GPC5: variants seen among roughly 807,000 people sequenced by gnomAD.
GPC5 encodes the protein glypican 5, also known as glypican-5.
A neutral mutation model predicts 53.9 loss-of-function variants in GPC5; 47 were observed. That is an observed-to-expected ratio of 0.87 (90% CI 0.69 to 1.11). The LOEUF is 1.11. Ranked by LOEUF, GPC5 falls within the 50% of genes most tolerant of loss-of-function variation. The pLI is 0.00. For synonymous variants in GPC5, 286 were observed against 263.3 expected, an observed-to-expected ratio of 1.09 and a Z score of -0.84; for missense variants, 748 against 713.1, an observed-to-expected ratio of 1.05 and a Z score of -0.56.
intron 7 of GPC5, among the ~76,000 whole-genome samples, chr13:92,640,416 T>A (rs1335879741): frequency 2.6e-5 from 4 of 151,992 alleles, no homozygotes; most frequent in Non-Finnish European, 5.9e-5. Flanking sequence ...CCCGCCACCA[T>A]GCCCAGCTAA....
chr13:92,839,610 A>G (rs1160356046), intron 7 of GPC5, among the ~76,000 whole-genome samples: 1 of 152,084 alleles, frequency 6.6e-6, no homozygotes, highest in Non-Finnish European at 1.5e-5. Context: ...AGCTCCATCC[A>G]TGTCCCTGAA....
In GPC5 at chr13:92,386,451, A is replaced by G. The variant is rs530191764; in HGVS notation, c.1561+241462A>G. Among the ~76,000 whole-genome samples the G allele has an allele frequency of 1.0e-3, 157 of 152,204 alleles. 1 individual carries two copies. The highest frequency in any genetic ancestry group is 2.1e-3 in the Non-Finnish European group (140 of 67,948). ...AGGTCTAACTATAGGGTTAAAAGGT[A>G]GATTCTACAAGTCATGCATAAATCT... is the stretch of plus-strand genomic sequence containing the variant. On this transcript the variant is annotated intron_variant, in intron 7 of 7. Transcript: ENST00000377067.
chr13:92,275,248 G>A (rs1948014137), intron 7 of GPC5, among the ~76,000 whole-genome samples: 1 of 151,954 alleles, frequency 6.6e-6, no homozygotes, highest in Non-Finnish European at 1.5e-5. Context: ...AATACACACA[G>A]GCTTCTGTAT....
intron 7 of GPC5, among the ~76,000 whole-genome samples, chr13:92,512,392 G>A (rs1273888864): frequency 1.3e-5 from 2 of 152,172 alleles, no homozygotes; most frequent in African/African-American, 4.8e-5. Flanking sequence ...CTTAAAATGG[G>A]AATCCCTAAA....
At chr13:91,606,307 A>G (rs1300185153) in intron 2 of GPC5, among the ~76,000 whole-genome samples, 1 of 149,988 alleles carries the variant, frequency 6.7e-6, no homozygotes, top group Non-Finnish European at 1.5e-5. Context: ...GATGAAGTCC[A>G]CTTGATCATG....
At chr13:91,479,354 A>G (rs1278407840) in intron 2 of GPC5, among the ~76,000 whole-genome samples, 1 of 152,172 alleles carries the variant, frequency 6.6e-6, no homozygotes, top group Non-Finnish European at 1.5e-5. Flanking sequence ...CAATGGGAGA[A>G]GAGATGCATG....
chr13:91,707,722 C>G (rs1265811923), intron 3 of GPC5, among the ~76,000 whole-genome samples: 1 of 152,192 alleles, frequency 6.6e-6, no homozygotes, highest in Non-Finnish European at 1.5e-5. Flanking sequence ...TAAAATGCTG[C>G]AGTCACTTTG....
chr13:92,711,827 T>C (rs998622625), intron 7 of GPC5, among the ~76,000 whole-genome samples: 5 of 151,858 alleles, frequency 3.3e-5, no homozygotes, highest in African/African-American at 7.3e-5. Flanking sequence ...TAATGAACCA[T>C]GAGTTAAACA....
chr13:92,515,222 A>C (rs1446766166), intron 7 of GPC5, among the ~76,000 whole-genome samples: 2 of 152,232 alleles, frequency 1.3e-5, no homozygotes, highest in Non-Finnish European at 2.9e-5. Context: ...CTTAGTACTA[A>C]GAACAAGTAA....
intron 7 of GPC5, among the ~76,000 whole-genome samples, chr13:92,624,949 T>G (rs1189379509): frequency 1.3e-5 from 2 of 152,240 alleles, no homozygotes; most frequent in African/African-American, 4.8e-5. Context: ...CAATAGCATG[T>G]ACTTATATTT....
In GPC5 at chr13:92,724,875, T is replaced by TACACACAC. The variant is rs58824655; in HGVS notation, c.1562-141377_1562-141370dup. Among the ~76,000 whole-genome samples the TACACACAC allele has an allele frequency of 7.2e-3, 988 of 137,730 alleles. 8 individuals are homozygous for TACACACAC. Among genetic ancestry groups the TACACACAC allele is most frequent in the Middle Eastern group, 0.037 (10 of 270 alleles). The allele number at this position is 137,730 out of a possible 152,430, so 90.4% of individuals were successfully genotyped here. A position where few individuals can be genotyped will look rare whatever the true frequency, so the allele number is the denominator to read the frequency against. ...GTAGATTTGTTAAGTGTCCTACACA[T>TACACACAC]ACACACACACACACACACACACACA... is the stretch of plus-strand genomic sequence containing the variant. On this transcript the variant is annotated intron_variant, in intron 7 of 7. Transcript: ENST00000377067.
intron 7 of GPC5, among the ~76,000 whole-genome samples, chr13:92,481,868 C>T (rs1294204655): frequency 6.6e-6 from 1 of 152,106 alleles, no homozygotes; most frequent in African/African-American, 2.4e-5. Flanking sequence ...GTGGCTGACA[C>T]CTGTAAACCC....
chr13:92,074,526 G>C (rs116030899), intron 6 of GPC5, among the ~76,000 whole-genome samples: 1 of 152,292 alleles, frequency 6.6e-6, no homozygotes, highest in African/African-American at 2.4e-5. Context: ...ACATTGGGTA[G>C]ATATCATAGT....
chr13:91,692,514 A>G (rs1594437753), intron 2 of GPC5, among the ~76,000 whole-genome samples: 1 of 152,358 alleles, frequency 6.6e-6, no homozygotes, highest in East Asian at 1.9e-4. Context: ...TAATGTGACC[A>G]TCTTTTATAA....
intron 7 of GPC5, among the ~76,000 whole-genome samples, chr13:92,753,531 T>C (rs1286293502): frequency 2.0e-5 from 3 of 152,140 alleles, no homozygotes; most frequent in African/African-American, 7.2e-5. Flanking sequence ...CAAATTACTC[T>C]GAGCTATGGG....
intron 7 of GPC5, among the ~76,000 whole-genome samples, chr13:92,671,358 A>G (rs990682945): frequency 2.0e-5 from 3 of 152,222 alleles, no homozygotes; most frequent in Admixed American, 1.3e-4. Context: ...TAATGCTTTA[A>G]AAGTATACAT....
intron 5 of GPC5, among the ~76,000 whole-genome samples, chr13:91,882,550 C>T (rs1274193656): frequency 6.6e-6 from 1 of 150,944 alleles, no homozygotes; most frequent in Non-Finnish European, 1.5e-5. Flanking sequence ...AACCTTTATA[C>T]ATTTTAATAT....
chr13:92,052,299 A>G (rs2041036234), intron 6 of GPC5, among the ~76,000 whole-genome samples: 2 of 152,188 alleles, frequency 1.3e-5, no homozygotes, highest in South Asian at 4.1e-4. Flanking sequence ...GGTCTCACCG[A>G]CTTCAAGAAT....
At chr13:91,752,193 C>A (rs2037192900) in intron 4 of GPC5, among the ~76,000 whole-genome samples, 2 of 152,012 alleles carry the variant, frequency 1.3e-5, no homozygotes, top group Non-Finnish European at 2.9e-5. Context: ...TCATTTAATT[C>A]TAATTATTTT....
Sources: gnomAD v4.1 joint callset for allele counts (sites outside exome capture counted in the v4.1 genomes callset) on GRCh38, gnomAD v4.1.1 for gene constraint, MANE v1.5 for transcripts, NCBI Gene and HGNC (gene_info 2026-07-23, HGNC 2026-07-21) for gene names.